ETV5: variants seen among roughly 807,000 people sequenced by gnomAD.
ETV5 encodes ETS translocation variant 5.
In ETV5, 10 loss-of-function variants were observed where a neutral mutation model predicts 70.0. The ratio of observed to expected loss-of-function variants is 0.14; its 90% CI spans 0.09 to 0.24. ETV5 has a LOEUF of 0.24. Among genes scored for constraint, ETV5 ranks in the 10% least tolerant of loss-of-function variants. The probability of loss-of-function intolerance (pLI) is 1.00; values close to 1 mark genes in which losing one functional copy is unlikely to be tolerated. For synonymous variants in ETV5, 216 were observed against 242.2 expected (o/e 0.89, Z 1.01); for missense variants, 453 against 651.2 (o/e 0.70, Z 3.31).
chr3:186,059,915 C>T (rs947291409), intron 9 of ETV5, among the ~76,000 whole-genome samples: 3 of 152,174 alleles, frequency 2.0e-5, no homozygotes, highest in Non-Finnish European at 4.4e-5. Context: ...GTCAGGGATT[C>T]AATGACTCCT....
intron 7 of ETV5, among the ~76,000 whole-genome samples, chr3:186,070,087 C>T (rs955529364): frequency 2.0e-5 from 3 of 152,226 alleles, no homozygotes; most frequent in Non-Finnish European, 4.4e-5. Flanking sequence ...GCTAGGATTA[C>T]AGGTGTGAGC....
intron 5 of ETV5, chr3:186,084,181 G>A (rs1713998237): frequency 2.2e-6 from 1 of 447,684 alleles, no homozygotes; most frequent in Non-Finnish European, 4.4e-6. Flanking sequence ...TTGCACAGCT[G>A]ACTTGCTAAA....
At chr3:186,091,959 C>T (rs1230275960) in intron 5 of ETV5, among the ~76,000 whole-genome samples, 1 of 152,140 alleles carries the variant, frequency 6.6e-6, no homozygotes, top group Non-Finnish European at 1.5e-5. Flanking sequence ...AAGGAGACAC[C>T]TTTCTTGCTC....
intron 5 of ETV5, 108 bp from the exon 6 acceptor site, chr3:186,081,283 CTCATG>C: frequency 8.6e-7 from 1 of 1,161,640 alleles, no homozygotes; most frequent in Non-Finnish European, 1.2e-6. Flanking sequence ...GTTCTTGGAA[CTCATG>C]TCAAGTCACA....
At position 186,054,075 on chromosome 3, in the gene ETV5, A is replaced by G. The variant is rs952927525; in HGVS notation, c.1210-1944T>C. Among the ~76,000 whole-genome samples the G allele has an allele frequency of 6.6e-6, 1 of 152,218 alleles. No individual in the cohort carries two copies. The highest frequency in any genetic ancestry group is 1.5e-5 in the Non-Finnish European group (1 of 68,036). ...AAGGTTTGGTATACGCACAGATTTCAAAGCAGCTCTGGTAGCCATAGTTAC... is the reference window on the plus strand; with the variant it reads ...AAGGTTTGGTATACGCACAGATTTCGAAGCAGCTCTGGTAGCCATAGTTAC... On this transcript the variant is annotated intron_variant, in intron 11 of 12. Coordinates refer to ENST00000306376, the MANE Select transcript of ETV5 (RefSeq NM_004454.3). The surrounding 1 kb of genome is among the most constrained non-coding windows in gnomAD (Gnocchi z 4.4).
chr3:186,104,580 A>C (rs1253435613), intron 5 of ETV5, among the ~76,000 whole-genome samples: 2 of 152,132 alleles, frequency 1.3e-5, no homozygotes, highest in African/African-American at 2.4e-5. Context: ...CACCTTTAAG[A>C]AAAAGAGAAA....
Position 186,047,800 on chromosome 3 carries a change from T to G in ETV5, c.*839A>C, listed in dbSNP as rs1712917738. The G allele has an allele frequency of 4.3e-6, 1 of 233,488 alleles. No homozygotes were observed. Among genetic ancestry groups the G allele is most frequent in the Admixed American group, 5.6e-5 (1 of 17,780 alleles). 14.5% of individuals were successfully genotyped at this position (233,488 alleles called of 1,614,324 possible). On this transcript the variant is annotated 3_prime_UTR_variant, in exon 13 of 13. Transcript: ENST00000306376. The stretch of plus-strand genomic sequence containing the variant: ...CAAAAGGTTTGTTTTTGTTTTTTGT[T>G]TTTCGTTTTTTTGCTTTAAATACCA...
chr3:186,102,055 A>G (rs1295403216), intron 5 of ETV5, among the ~76,000 whole-genome samples: 1 of 152,190 alleles, frequency 6.6e-6, no homozygotes, highest in African/African-American at 2.4e-5. Context: ...TATAAAAGCA[A>G]TGGTTTCATT....
intron 7 of ETV5, among the ~76,000 whole-genome samples, chr3:186,075,540 C>A (rs1381762399): frequency 6.6e-6 from 1 of 152,166 alleles, no homozygotes; most frequent in Non-Finnish European, 1.5e-5. Flanking sequence ...TTTGTTAAAT[C>A]AAAATTCCAG....
At chr3:186,099,908 G>T (rs1229633017) in intron 5 of ETV5, among the ~76,000 whole-genome samples, 1 of 152,220 alleles carries the variant, frequency 6.6e-6, no homozygotes, top group East Asian at 1.9e-4. Context: ...GGTTTTGTTA[G>T]ATGACTAACA....
Position 186,048,848 on chromosome 3 carries a change from G to A in ETV5, c.1324C>T (p.Arg442Ter). 2 of 1,613,784 alleles carry A rather than the reference G, an allele frequency of 1.2e-6. No homozygotes were observed. The highest frequency in any genetic ancestry group is 1.7e-6 in the Non-Finnish European group (2 of 1,179,898). ...KGIMQKVAGERYVYKFVCDPD... is the reference protein window; with the variant it reads ...KGIMQKVAGE ...TCACAGACAAATTTGTAGACGTATC[G>A]CTCTCCAGCCACCTGCGGGAGAACA... The change falls in exon 13 of 13, where the codon CGA becomes TGA. Residue 442 changes from arginine (R) to a stop codon, truncating the protein, a stop_gained. Coordinates refer to ENST00000306376, the MANE Select transcript of ETV5 (RefSeq NM_004454.3). LOFTEE classifies it high-confidence loss of function.
chr3:186,081,356 C>A (rs1473718276), intron 5 of ETV5, among the ~76,000 whole-genome samples, 181 bp from the exon 6 acceptor site: 1 of 152,182 alleles, frequency 6.6e-6, no homozygotes, highest in African/African-American at 2.4e-5. Context: ...CAATTAAATT[C>A]TTCAAAGTCA....
rs541459527 is a variant in ETV5 at position 186,051,938 on chromosome 3, C to T, written c.1311+92G>A. On this transcript the variant is annotated intron_variant, in intron 12 of 12. Transcript: ENST00000306376. ...ATCACTTAGGGGGCTAAAATTTCCT[C>T]GTAGCGACGATCACCAGTCTCACTA... 2.1e-5 allele frequency: 27 copies of T among 1,259,380 alleles called. No individual in the cohort carries two copies. The East Asian group carries it at 2.6e-4, about 12-fold the overall frequency. The allele number at this position is 1,259,380 out of a possible 1,614,324, so 78.0% of individuals were successfully genotyped here. A position where few individuals can be genotyped will look rare whatever the true frequency, so the allele number is the denominator to read the frequency against.
At chr3:186,098,794 T>G (rs973090199) in intron 5 of ETV5, among the ~76,000 whole-genome samples, 51 of 152,306 alleles carry the variant, frequency 3.3e-4, no homozygotes, top group African/African-American at 1.2e-3. Context: ...AGCTCATGGT[T>G]GTTTCCTTTT....
At chr3:186,099,142 C>T (rs1714386404) in intron 5 of ETV5, among the ~76,000 whole-genome samples, 1 of 152,162 alleles carries the variant, frequency 6.6e-6, no homozygotes, top group South Asian at 2.1e-4. Context: ...GTTGCTAACC[C>T]ACTGTCATTT....
At chr3:186,093,961 C>A (rs967617780) in intron 5 of ETV5, among the ~76,000 whole-genome samples, 3 of 152,128 alleles carry the variant, frequency 2.0e-5, no homozygotes, top group African/African-American at 7.2e-5. Flanking sequence ...CTGTTGCGGG[C>A]CTTTGGAGTA....
chr3:186,067,494 C>A (rs1713478349), intron 7 of ETV5, among the ~76,000 whole-genome samples: 1 of 152,104 alleles, frequency 6.6e-6, no homozygotes, highest in South Asian at 2.1e-4. Context: ...CACCTGTAAT[C>A]CCAGCTACTC....
chr3:186,106,042 C>T, intron 1 of ETV5, 100 bp from the exon 2 acceptor site: 2 of 816,066 alleles, frequency 2.5e-6, no homozygotes, highest in Non-Finnish European at 4.0e-6. Flanking sequence ...AAAATTATTA[C>T]CCTTCTGTGA....
chr3:186,101,720 T>C (rs1021108415), intron 5 of ETV5, among the ~76,000 whole-genome samples: 3 of 152,228 alleles, frequency 2.0e-5, no homozygotes, highest in Admixed American at 6.5e-5. Flanking sequence ...TATTATTTTA[T>C]ACATCTTCCT....
Sources: allele counts gnomAD v4.1 joint callset (sites outside exome capture counted in the v4.1 genomes callset), GRCh38; gene constraint gnomAD v4.1.1; non-coding constraint Gnocchi (gnomAD v3.1); transcripts MANE v1.5; gene names NCBI Gene and HGNC (gene_info 2026-07-23, HGNC 2026-07-21).